The following CCSER1 variants were observed in gnomAD, a reference collection of about 807,000 sequenced individuals.
CCSER1 encodes the protein coiled-coil serine rich protein 1.
Under a neutral mutation model 82.0 loss-of-function variants are expected in CCSER1, and 41 were observed. That is an observed-to-expected ratio of 0.50 (90% confidence interval 0.39 to 0.65). The LOEUF is 0.65. Ranked by LOEUF, CCSER1 falls within the 30% of genes least tolerant of loss-of-function variation. The pLI, the probability that CCSER1 is intolerant of heterozygous loss-of-function variation, is 0.00. For synonymous variants in CCSER1, 414 were observed against 383.9 expected, an observed-to-expected ratio of 1.08 and a Z score of -0.92; for missense variants, 1,119 against 1,064.2, an observed-to-expected ratio of 1.05 and a Z score of -0.72.
At chr4:91,454,873 C>A (rs1202186570) in intron 10 of CCSER1, among the ~76,000 whole-genome samples, 1 of 151,746 alleles carries the variant, frequency 6.6e-6, no homozygotes, top group Non-Finnish European at 1.5e-5. Flanking sequence ...CTTGTTCTAA[C>A]CCTTTTAGCA....
chr4:90,341,428 G>A (rs940948114), intron 3 of CCSER1, among the ~76,000 whole-genome samples: 9 of 151,900 alleles, frequency 5.9e-5, no homozygotes, highest in African/African-American at 2.2e-4. Flanking sequence ...TTTTACTCTC[G>A]AGTTCATAAA....
chr4:91,436,824 C>T (rs1754684610), intron 10 of CCSER1, among the ~76,000 whole-genome samples: 1 of 152,088 alleles, frequency 6.6e-6, no homozygotes, highest in African/African-American at 2.4e-5. Flanking sequence ...AGAGACAGAG[C>T]AGGACAAAAA....
chr4:91,050,632 A>G (rs1042526126), intron 9 of CCSER1, among the ~76,000 whole-genome samples: 1 of 152,172 alleles, frequency 6.6e-6, no homozygotes, highest in Non-Finnish European at 1.5e-5. Flanking sequence ...CACTCTGCCA[A>G]TGTAATTAGC....
intron 10 of CCSER1, among the ~76,000 whole-genome samples, chr4:91,121,856 C>T (rs1419338139): frequency 6.6e-6 from 1 of 151,418 alleles, no homozygotes; most frequent in Non-Finnish European, 1.5e-5. Flanking sequence ...TTTCTTTTGA[C>T]ATCCATAATT....
intron 7 of CCSER1, among the ~76,000 whole-genome samples, chr4:90,800,182 A>T (rs975356791): frequency 2.0e-5 from 3 of 152,206 alleles, no homozygotes; most frequent in African/African-American, 7.2e-5. Context: ...TTCCTATGTA[A>T]AACACAAAAA....
chr4:90,705,676 G>T (rs1158566299), intron 6 of CCSER1, among the ~76,000 whole-genome samples: 1 of 152,084 alleles, frequency 6.6e-6, no homozygotes, highest in Non-Finnish European at 1.5e-5. Context: ...GCAATGGTGG[G>T]CGCCCCTCCC....
At chr4:91,222,389 G>C (rs1190171793) in intron 10 of CCSER1, among the ~76,000 whole-genome samples, 1 of 151,972 alleles carries the variant, frequency 6.6e-6, no homozygotes, top group African/African-American at 2.4e-5. Flanking sequence ...TCTATAATTT[G>C]TAGCCAAAAG....
intron 10 of CCSER1, among the ~76,000 whole-genome samples, chr4:91,107,501 C>T (rs552364909): frequency 6.3e-4 from 96 of 152,170 alleles, no homozygotes; most frequent in African/African-American, 1.9e-3. Flanking sequence ...GTGATCCACC[C>T]GCCTTGGCCT....
intron 10 of CCSER1, among the ~76,000 whole-genome samples, chr4:91,502,160 G>A (rs573211792): frequency 1.1e-4 from 16 of 152,252 alleles, no homozygotes; most frequent in Middle Eastern, 3.4e-3. Context: ...GGGCTTTGAG[G>A]AAAGCATTCC....
intron 8 of CCSER1, among the ~76,000 whole-genome samples, chr4:90,905,679 A>C (rs537658542): frequency 5.1e-4 from 77 of 152,132 alleles, no homozygotes; most frequent in Non-Finnish European, 8.5e-4. Flanking sequence ...GAAGCAGTGA[A>C]ATAGCGAGAA....
chr4:90,511,710 G>C (rs1009637856), intron 5 of CCSER1, among the ~76,000 whole-genome samples: 2 of 152,186 alleles, frequency 1.3e-5, no homozygotes, highest in Non-Finnish European at 2.9e-5. Flanking sequence ...GGAGAAAGCA[G>C]AGTATGTGCT....
At chr4:90,358,313 C>T (rs1744711541) in intron 3 of CCSER1, among the ~76,000 whole-genome samples, 1 of 152,028 alleles carries the variant, frequency 6.6e-6, no homozygotes, top group African/African-American at 2.4e-5. Context: ...GTGCTTCTGT[C>T]TCTAGTCTAG....
chr4:91,181,625 G>T (rs1189311524), intron 10 of CCSER1, among the ~76,000 whole-genome samples: 1 of 152,050 alleles, frequency 6.6e-6, no homozygotes, highest in African/African-American at 2.4e-5. Context: ...ACATAGTGTG[G>T]CCATGGCACG....
chr4:91,023,716 C>T (rs1446906714), intron 9 of CCSER1, among the ~76,000 whole-genome samples: 1 of 152,110 alleles, frequency 6.6e-6, no homozygotes, highest in Non-Finnish European at 1.5e-5. Context: ...TAGAAGAAAA[C>T]CTAGGCAATA....
chr4:90,540,139 T>C (rs1775925494), intron 5 of CCSER1, among the ~76,000 whole-genome samples: 1 of 152,120 alleles, frequency 6.6e-6, no homozygotes, highest in Non-Finnish European at 1.5e-5. Context: ...CTTTGGTAGC[T>C]AATGCTACCC....
chr4:90,909,196 C>T (rs1191687475), intron 8 of CCSER1, among the ~76,000 whole-genome samples: 2 of 152,184 alleles, frequency 1.3e-5, no homozygotes, highest in Admixed American at 6.5e-5. Flanking sequence ...CCAAATGTCC[C>T]TCTTCTTATA....
chr4:90,944,358 C>T (rs567084938), intron 9 of CCSER1, among the ~76,000 whole-genome samples: 1 of 152,102 alleles, frequency 6.6e-6, no homozygotes, highest in African/African-American at 2.4e-5. Flanking sequence ...TCAAATTAGA[C>T]TCATACCAAT....
rs189655703 is a variant in CCSER1 at position 90,759,777 on chromosome 4, T to C, written c.2010+35786T>C. Reference sequence around the variant, plus strand: ...TATACACAAAATTGATTTAATTCTTTCTGATAATTTCTTTCGTCTTCACCA... The same window carrying C: ...TATACACAAAATTGATTTAATTCTTCCTGATAATTTCTTTCGTCTTCACCA... On this transcript the variant is annotated intron_variant, in intron 7 of 10. Coordinates refer to ENST00000509176, the MANE Select transcript of CCSER1 (RefSeq NM_001145065.2). 4.6e-5 allele frequency among the ~76,000 whole-genome samples: 7 copies of C among 152,290 alleles called. No homozygotes were observed. The East Asian group carries it at 1.3e-3, about 29-fold the overall frequency.
At chr4:90,325,329 G>A (rs1737968293) in intron 3 of CCSER1, among the ~76,000 whole-genome samples, 1 of 152,144 alleles carries the variant, frequency 6.6e-6, no homozygotes, top group Admixed American at 6.5e-5. Context: ...AAGGACAGCA[G>A]TAAATGAGAA....
Sources: gnomAD v4.1 joint callset for allele counts (sites outside exome capture counted in the v4.1 genomes callset) on GRCh38, gnomAD v4.1.1 for gene constraint, MANE v1.5 for transcripts, NCBI Gene and HGNC (gene_info 2026-07-23, HGNC 2026-07-21) for gene names.